Variants in PDE8A observed in about 807,000 individuals in gnomAD.
The protein encoded by PDE8A is phosphodiesterase 8A, also known as high affinity cAMP-specific and IBMX-insensitive 3',5'-cyclic phosphodiesterase 8A.
In PDE8A, 59 loss-of-function variants were observed where a neutral mutation model predicts 105.0. That is an observed-to-expected ratio of 0.56 (90% CI 0.46 to 0.70). The LOEUF (loss-of-function observed/expected upper bound fraction) is 0.70. PDE8A is among the 30% of genes least tolerant of loss of function. The pLI is 0.00. For missense variants in PDE8A, 1,014 were observed against 1,045.9 expected (o/e 0.97, Z 0.42); for synonymous variants, 355 against 371.9 (o/e 0.95, Z 0.52).
chr15:85,022,246 C>T (rs2080438196), intron 1 of PDE8A, among the ~76,000 whole-genome samples: 1 of 152,144 alleles, frequency 6.6e-6, no homozygotes, highest in East Asian at 1.9e-4. Context: ...AAAAGGGCAG[C>T]TAGATCTCAG....
At chr15:85,123,242 T>G (rs759591248) in intron 19 of PDE8A, 49 bp downstream of exon 19, 1 of 1,588,218 alleles carries the variant, frequency 6.3e-7, no homozygotes, top group African/African-American at 1.3e-5. Flanking sequence ...GTCCTTGTAC[T>G]GTTGTGTTAT....
At chr15:85,083,081 T>A (rs915247885) in intron 5 of PDE8A, among the ~76,000 whole-genome samples, 2 of 152,188 alleles carry the variant, frequency 1.3e-5, no homozygotes, top group African/African-American at 2.4e-5. Context: ...CATGTTGGGG[T>A]TCCCCCTGTG....
In PDE8A at chr15:85,008,515, A is replaced by AT. The variant is rs759533000; in HGVS notation, c.186+26172dup. On this transcript the variant is annotated intron_variant, in intron 1 of 21. Coordinates refer to ENST00000394553, the MANE Select transcript of PDE8A (RefSeq NM_002605.3). ...ATTCTAGTTCCACACTCTGGGCCCC[A>AT]TTTTTAATAACCGGACCCTGTGGCT... Among the ~76,000 whole-genome samples the AT allele has an allele frequency of 5.9e-4, 90 of 151,714 alleles. 1 individual carries two copies. The highest frequency in any genetic ancestry group is 4.6e-4 in the Admixed American group (7 of 15,230).
At chr15:85,004,617 C>T (rs966972693) in intron 1 of PDE8A, among the ~76,000 whole-genome samples, 8 of 152,208 alleles carry the variant, frequency 5.3e-5, no homozygotes, top group Admixed American at 2.0e-4. Context: ...ATTTTCTTGA[C>T]TTGCAACCAC....
intron 1 of PDE8A, among the ~76,000 whole-genome samples, chr15:84,986,138 GATCAC>G (rs1157585217): frequency 4.6e-5 from 7 of 152,118 alleles, no homozygotes; most frequent in Admixed American, 1.3e-4. Flanking sequence ...GAGGTGGGAG[GATCAC>G]CTGAGGTAAG....
chr15:85,054,288 G>A (rs1382437085), intron 1 of PDE8A, among the ~76,000 whole-genome samples: 3 of 151,794 alleles, frequency 2.0e-5, no homozygotes, highest in Non-Finnish European at 2.9e-5. Context: ...TCTTTTTTTT[G>A]TTGTGTCTCT....
intron 6 of PDE8A, among the ~76,000 whole-genome samples, chr15:85,087,042 C>CT (rs34212320): frequency 0.021 from 2,832 of 133,416 alleles, 19 homozygotes; most frequent in African/African-American, 0.025. Flanking sequence ...ATGTTTTTTG[C>CT]TTTTTTTTTT....
chr15:85,077,488 G>A (rs55918335), intron 5 of PDE8A, among the ~76,000 whole-genome samples: 13,488 of 152,230 alleles, frequency 0.089, 1,662 homozygotes, highest in African/African-American at 0.28. Flanking sequence ...TTCTGGATGA[G>A]TAGGACTCCT....
rs570539647 is a variant in PDE8A at position 85,103,191 on chromosome 15, C to T, written c.1036+2993C>T. Among the ~76,000 whole-genome samples the T allele has an allele frequency of 7.9e-5, 12 of 152,278 alleles. 1 individual carries two copies. In the South Asian group the frequency reaches 2.5e-3, roughly 32 times the overall value. ...GAGCTGAGATCGCGCCACTGCACTC[C>T]AGCCTGGGCGACAGCAAGACTCTGT... On this transcript the variant is annotated intron_variant, in intron 11 of 21. Transcript: ENST00000394553.
intron 1 of PDE8A, among the ~76,000 whole-genome samples, chr15:85,043,709 T>A (rs1249103900): frequency 7.6e-6 from 1 of 131,460 alleles, no homozygotes; most frequent in African/African-American, 3.6e-5. Context: ...TGTTTGTTTG[T>A]TTTTTTGAGG....
rs140514710 is a variant in PDE8A, at chr15:85,076,814, A to G, written c.546+27A>G. ...TATGTACTCACTTATTTGTTATACA[A>G]GTATAATTCAATTTGAGAAATTATT... On this transcript the variant is annotated intron_variant, in intron 5 of 21. Coordinates refer to ENST00000394553, the MANE Select transcript of PDE8A (RefSeq NM_002605.3). 54 of 1,318,096 alleles carry G rather than the reference A, an allele frequency of 4.1e-5. No individual in the cohort carries two copies. In the African/African-American group the frequency reaches 6.1e-4, roughly 15 times the overall value. 81.7% of individuals were successfully genotyped at this position (1,318,096 alleles called of 1,614,324 possible). A position where few individuals can be genotyped will look rare whatever the true frequency, so the allele number is the denominator to read the frequency against.
intron 5 of PDE8A, among the ~76,000 whole-genome samples, chr15:85,083,051 T>C (rs879112693): frequency 1.3e-5 from 2 of 152,236 alleles, no homozygotes; most frequent in Non-Finnish European, 2.9e-5. Context: ...TGTTGGAGGT[T>C]AGTTCAGGAA....
At chr15:85,129,935 GTTGT>G (rs1309462059) in intron 20 of PDE8A, among the ~76,000 whole-genome samples, 4 of 152,246 alleles carry the variant, frequency 2.6e-5, no homozygotes, top group African/African-American at 9.6e-5. Context: ...TGACCCCTTG[GTTGT>G]TTAAGCGTAT....
intron 1 of PDE8A, among the ~76,000 whole-genome samples, chr15:85,003,046 G>C (rs1310364635): frequency 6.7e-6 from 1 of 150,350 alleles, no homozygotes; most frequent in East Asian, 1.9e-4. Context: ...TTTTTTTTCA[G>C]TCAAGTTTCC....
At chr15:85,054,895 G>C (rs1474229375) in intron 1 of PDE8A, among the ~76,000 whole-genome samples, 1 of 152,146 alleles carries the variant, frequency 6.6e-6, no homozygotes, top group Non-Finnish European at 1.5e-5. Flanking sequence ...TCTTCTATTT[G>C]TGATGTTAGG....
At chr15:85,083,770 G>T (rs1430048995) in intron 6 of PDE8A, 126 bp downstream of exon 6, 2 of 659,302 alleles carry the variant, frequency 3.0e-6, no homozygotes. Context: ...GAATGGAGTG[G>T]CAACTCCCCT....
chr15:85,096,475 T>C (rs2081755810), intron 8 of PDE8A, among the ~76,000 whole-genome samples: 1 of 152,166 alleles, frequency 6.6e-6, no homozygotes, highest in African/African-American at 2.4e-5. Context: ...AAAGAAAGTA[T>C]ACTATTTGGT....
chr15:85,095,157 C>G (rs1256143410), intron 8 of PDE8A, among the ~76,000 whole-genome samples: 3 of 152,122 alleles, frequency 2.0e-5, no homozygotes, highest in Admixed American at 1.3e-4. Context: ...TAGTCTTACT[C>G]CTGTTCTGAG....
chr15:85,066,005 C>T (rs1225790300), intron 2 of PDE8A, among the ~76,000 whole-genome samples: 1 of 142,488 alleles, frequency 7.0e-6, no homozygotes, highest in Non-Finnish European at 1.5e-5. Context: ...TACTTTAAAT[C>T]TTTCTTCTTT....
Sources: allele counts gnomAD v4.1 joint callset (sites outside exome capture counted in the v4.1 genomes callset), GRCh38; gene constraint gnomAD v4.1.1; transcripts MANE v1.5; gene names NCBI Gene and HGNC (gene_info 2026-07-23, HGNC 2026-07-21).